ADGRG6: variants seen among roughly 807,000 people sequenced by gnomAD.
The protein encoded by ADGRG6 is G-protein coupled receptor 126.
A neutral mutation model predicts 142.4 loss-of-function variants in ADGRG6; 84 were observed. The observed-to-expected ratio is 0.59, with a 90% CI of 0.49 to 0.71. The LOEUF is 0.71. Ranked by LOEUF, ADGRG6 falls within the 30% of genes least tolerant of loss-of-function variation. ADGRG6 has a pLI of 0.00. For synonymous variants in ADGRG6, 521 were observed against 520.5 expected (o/e 1.00, Z -0.01); for missense variants, 1,367 against 1,466.6 (o/e 0.93, Z 1.11).
At chr6:142,371,510 G>A (rs931868793) in intron 4 of ADGRG6, among the ~76,000 whole-genome samples, 1 of 136,758 alleles carries the variant, frequency 7.3e-6, no homozygotes, top group Non-Finnish European at 1.5e-5. Flanking sequence ...TTGAGACAGA[G>A]TCTCGCTATG....
At chr6:142,338,168 C>G (rs1165584919) in intron 2 of ADGRG6, among the ~76,000 whole-genome samples, 1 of 151,200 alleles carries the variant, frequency 6.6e-6, no homozygotes, top group Non-Finnish European at 1.5e-5. Flanking sequence ...CTACAGGCGC[C>G]TGCCACTACG....
chr6:142,339,849 A>AT (rs1048597373), intron 2 of ADGRG6, among the ~76,000 whole-genome samples: 4 of 151,940 alleles, frequency 2.6e-5, no homozygotes, highest in African/African-American at 7.3e-5. Flanking sequence ...AAACCAGATG[A>AT]TTTTTTTTCT....
At chr6:142,397,392 C>T (rs1030734734) in intron 9 of ADGRG6, among the ~76,000 whole-genome samples, 4 of 151,990 alleles carry the variant, frequency 2.6e-5, no homozygotes, top group Non-Finnish European at 5.9e-5. Flanking sequence ...AGTTATTTGA[C>T]AGAATTATAC....
At chr6:142,419,784 T>TA (rs753005223) in intron 21 of ADGRG6, 37 bp from the exon 22 acceptor site, 35 of 1,520,274 alleles carry the variant, frequency 2.3e-5, no homozygotes, top group Non-Finnish European at 2.9e-5. Context: ...GACATGGTAA[T>TA]AAATCTTTTT....
intron 4 of ADGRG6, among the ~76,000 whole-genome samples, chr6:142,380,381 T>G (rs1781715425): frequency 6.6e-6 from 1 of 151,966 alleles, no homozygotes. Context: ...AGAAGTTCAT[T>G]TTTGGTTTAC....
intron 4 of ADGRG6, among the ~76,000 whole-genome samples, chr6:142,373,797 G>A (rs1781364716): frequency 6.6e-6 from 1 of 151,570 alleles, no homozygotes; most frequent in Admixed American, 6.6e-5. Flanking sequence ...TCCCTCCTCA[G>A]CCTCCCAAAG....
intron 1 of ADGRG6, among the ~76,000 whole-genome samples, chr6:142,307,142 G>A (rs1435508977): frequency 6.6e-6 from 1 of 152,120 alleles, no homozygotes. Context: ...CTAATGAGCA[G>A]GAATCTATGA....
intron 2 of ADGRG6, among the ~76,000 whole-genome samples, chr6:142,342,159 T>G: frequency 6.6e-6 from 1 of 151,846 alleles, no homozygotes; most frequent in Non-Finnish European, 1.5e-5. Flanking sequence ...GGGAGCGGGA[T>G]TATTGGAGAG....
chr6:142,350,252 A>T (rs1009943109), intron 2 of ADGRG6, among the ~76,000 whole-genome samples: 3 of 152,214 alleles, frequency 2.0e-5, no homozygotes, highest in African/African-American at 7.2e-5. Context: ...AAGCATAGAG[A>T]TATTAGAGAA....
intron 22 of ADGRG6, among the ~76,000 whole-genome samples, chr6:142,426,082 C>G (rs1336946338): frequency 6.6e-6 from 1 of 152,132 alleles, no homozygotes; most frequent in Non-Finnish European, 1.5e-5. Context: ...CAACCCCTGG[C>G]CCCTCCCAGA....
intron 5 of ADGRG6, among the ~76,000 whole-genome samples, chr6:142,382,740 G>A (rs4896582): frequency 0.5 from 75,265 of 151,934 alleles, 23,315 homozygotes; most frequent in African/African-American, 0.87. Flanking sequence ...AGCATGTTCT[G>A]TGTACCACAT....
chr6:142,362,321 G>A (rs1436340975), intron 2 of ADGRG6, among the ~76,000 whole-genome samples: 2 of 152,138 alleles, frequency 1.3e-5, no homozygotes, highest in Non-Finnish European at 2.9e-5. Flanking sequence ...TCCAAAGAAC[G>A]TTTTGGGGTT....
At chr6:142,370,908 A>T in intron 4 of ADGRG6, 115 bp downstream of exon 4, 8 of 978,526 alleles carry the variant, frequency 8.2e-6, no homozygotes, top group Admixed American at 4.8e-5. Flanking sequence ...ATTCACACAT[A>T]TAGACATATA....
chr6:142,321,082 C>A (rs1778490288), intron 2 of ADGRG6, among the ~76,000 whole-genome samples: 1 of 150,018 alleles, frequency 6.7e-6, no homozygotes, highest in Admixed American at 6.7e-5. Flanking sequence ...TATACATAAC[C>A]ATAACTTAAT....
chr6:142,402,501 A>G (rs969400938), intron 12 of ADGRG6, 119 bp from the exon 13 acceptor site: 7 of 621,620 alleles, frequency 1.1e-5, no homozygotes, highest in Non-Finnish European at 1.7e-5. Context: ...TATACACAGG[A>G]AAATCTCACT....
In ADGRG6 at chr6:142,443,740, C is replaced by A; in HGVS notation, c.*225C>A. On this transcript the variant is annotated 3_prime_UTR_variant, in exon 25 of 25. Coordinates refer to ENST00000367609, the MANE Select transcript of ADGRG6 (RefSeq NM_198569.3). ...CTTCAGTACTGAGAGTAACATGACTCAGTAGCCACAGAAGCTATGATTTGT... is the reference window on the plus strand; with the variant it reads ...CTTCAGTACTGAGAGTAACATGACTAAGTAGCCACAGAAGCTATGATTTGT... 2.5e-6 allele frequency: 1 copy of A among 398,186 alleles called. No homozygotes were observed. The highest frequency in any genetic ancestry group is 4.5e-6 in the Non-Finnish European group (1 of 224,108). 24.7% of individuals were successfully genotyped at this position (398,186 alleles called of 1,614,324 possible).
intron 2 of ADGRG6, among the ~76,000 whole-genome samples, chr6:142,356,850 A>G (rs1255856288): frequency 6.6e-6 from 1 of 152,228 alleles, no homozygotes; most frequent in Non-Finnish European, 1.5e-5. Context: ...TTCAAAAGGA[A>G]GGTGATTTAG....
In ADGRG6 at chr6:142,383,765, G is replaced by A; in HGVS notation, c.1144G>A (p.Val382Ile). The A allele has an allele frequency of 1.3e-6, 2 of 1,519,844 alleles. No individual in the cohort carries two copies. Among genetic ancestry groups the A allele is most frequent in the South Asian group, 1.1e-5 (1 of 87,778 alleles). The allele number at this position is 1,519,844 out of a possible 1,614,324, so 94.1% of individuals were successfully genotyped here. A position where few individuals can be genotyped will look rare whatever the true frequency, so the allele number is the denominator to read the frequency against. The change falls in exon 6 of 25, where the codon GTA (valine) becomes ATA (isoleucine). Residue 382 changes from valine to isoleucine, a missense_variant. Val to Ile is a conservative substitution (Grantham distance 29). This residue lies in a region of ADGRG6 where 737 missense variants were observed against 746.5 expected (regional missense o/e 0.99). Transcript: ENST00000367609. ...ADLGTLCQAT[V>I]NSPSTTPPTV... The stretch of plus-strand genomic sequence containing the variant: ...TTTCTCATCTTTATTACCAGCTACT[G>A]TAAACTCTCCTAGTACTACACCACC...
intron 6 of ADGRG6, among the ~76,000 whole-genome samples, chr6:142,384,058 C>T (rs80344065): frequency 0.086 from 13,085 of 152,044 alleles, 653 homozygotes; most frequent in East Asian, 0.25. Context: ...TCCAGTACTC[C>T]TCTTTTGCGC....
Sources: allele counts gnomAD v4.1 joint callset (sites outside exome capture counted in the v4.1 genomes callset), GRCh38; gene constraint gnomAD v4.1.1; regional missense constraint gnomAD v4.1.1; transcripts MANE v1.5; gene names NCBI Gene and HGNC (gene_info 2026-07-23, HGNC 2026-07-21).